DCLK1: variants seen among roughly 807,000 people sequenced by gnomAD.
The protein encoded by DCLK1 is doublecortin like kinase 1.
Under a neutral mutation model 86.2 loss-of-function variants are expected in DCLK1, and 16 were observed. The ratio of observed to expected loss-of-function variants is 0.19; its 90% CI spans 0.13 to 0.28. The LOEUF (loss-of-function observed/expected upper bound fraction) is 0.28, where lower values mean the gene tolerates loss of function less well. DCLK1 is among the 10% of genes least tolerant of loss of function. The pLI, the probability that DCLK1 is intolerant of heterozygous loss-of-function variation, is 1.00. For synonymous variants in DCLK1, 369 were observed against 370.5 expected (o/e 1.00, Z 0.05); for missense variants, 590 against 940.2 (o/e 0.63, Z 4.87).
chr13:35,843,621 G>T (rs1447423290), intron 6 of DCLK1, among the ~76,000 whole-genome samples: 1 of 152,140 alleles, frequency 6.6e-6, no homozygotes, highest in Admixed American at 6.5e-5. Context: ...GCTGCATAAA[G>T]GTTTTGAAAA....
chr13:35,806,299 T>C (rs1740673113), intron 14 of DCLK1, among the ~76,000 whole-genome samples: 1 of 152,204 alleles, frequency 6.6e-6, no homozygotes, highest in Non-Finnish European at 1.5e-5. Flanking sequence ...CAAGATAGAA[T>C]TGATCCTTTA....
intron 5 of DCLK1, among the ~76,000 whole-genome samples, chr13:35,867,909 A>AAGAAAGAAAG (rs1555345719): frequency 2.9e-5 from 3 of 102,374 alleles, no homozygotes; most frequent in Non-Finnish European, 5.6e-5. Flanking sequence ...GAAAGAAAGA[A>AAGAAAGAAAG]AAAGAAAGAA....
At chr13:35,977,568 G>A (rs1040989556) in intron 3 of DCLK1, among the ~76,000 whole-genome samples, 1 of 151,940 alleles carries the variant, frequency 6.6e-6, no homozygotes, top group Non-Finnish European at 1.5e-5. Flanking sequence ...GTCATCAGGT[G>A]TATTCTGATG....
intron 16 of DCLK1, among the ~76,000 whole-genome samples, chr13:35,787,098 TAC>T (rs915606407): frequency 2.7e-5 from 4 of 150,598 alleles, no homozygotes; most frequent in Admixed American, 1.3e-4. Context: ...TATATATATA[TAC>T]ACACACATAC....
intron 4 of DCLK1, among the ~76,000 whole-genome samples, chr13:35,936,962 C>CA (rs1876786023): frequency 1.5e-5 from 1 of 65,712 alleles, no homozygotes; most frequent in Admixed American, 2.0e-4. Flanking sequence ...GAAAAGTTAG[C>CA]TTTTTTTTTT....
rs1049679063 is a variant in DCLK1, at chr13:35,929,324, T to C, written c.823+18034A>G. Among the ~76,000 whole-genome samples the C allele has an allele frequency of 6.5e-4, 99 of 152,354 alleles. 1 individual carries two copies. Among genetic ancestry groups the C allele is most frequent in the Admixed American group, 5.2e-3 (80 of 15,306 alleles). On this transcript the variant is annotated intron_variant, in intron 4 of 16. Coordinates refer to ENST00000360631, the MANE Select transcript of DCLK1 (RefSeq NM_001330071.2). ...AGGTATGAAAACATAAATTTGGCTATGTTAACTTTAAAGTTGAGGGGCAAA... is the reference window on the plus strand; with the variant it reads ...AGGTATGAAAACATAAATTTGGCTACGTTAACTTTAAAGTTGAGGGGCAAA...
Position 35,793,354 on chromosome 13 carries a change from T to G in DCLK1, c.2058+12A>C. 1.9e-6 allele frequency: 3 copies of G among 1,598,126 alleles called. No individual in the cohort carries two copies. The South Asian group carries it at 3.4e-5, about 18-fold the overall frequency. On this transcript the variant is annotated intron_variant, in intron 16 of 16. Coordinates refer to ENST00000360631, the MANE Select transcript of DCLK1 (RefSeq NM_001330071.2). ...TTAAAAAAAGTTATAGGTGGATATT[T>G]CAGATGCTTACTGCTATGACAGAAA...
chr13:35,980,578 A>C (rs1036783558), intron 3 of DCLK1, among the ~76,000 whole-genome samples: 1 of 152,088 alleles, frequency 6.6e-6, no homozygotes, highest in Admixed American at 6.5e-5. Context: ...TTTAATTTTG[A>C]ATACTATAGA....
intron 3 of DCLK1, among the ~76,000 whole-genome samples, chr13:36,040,579 G>GT (rs1208016110): frequency 1.3e-5 from 2 of 151,576 alleles, no homozygotes; most frequent in African/African-American, 2.4e-5. Flanking sequence ...GTGTTGACAG[G>GT]TTTTTCAACT....
At chr13:35,881,356 C>T (rs117280550) in intron 4 of DCLK1, among the ~76,000 whole-genome samples, 1,637 of 152,288 alleles carry the variant, frequency 0.011, 8 homozygotes, top group Middle Eastern at 0.037. Flanking sequence ...CCGTAGAGTG[C>T]CCCACTTCTG....
intron 3 of DCLK1, among the ~76,000 whole-genome samples, chr13:36,054,487 T>C (rs1883230024): frequency 6.6e-6 from 1 of 152,172 alleles, no homozygotes; most frequent in African/African-American, 2.4e-5. Context: ...TGCTAATAAC[T>C]AAACACTGAG....
intron 3 of DCLK1, among the ~76,000 whole-genome samples, chr13:35,961,588 T>C (rs927585909): frequency 3.3e-5 from 5 of 152,194 alleles, no homozygotes; most frequent in African/African-American, 1.2e-4. Flanking sequence ...AGATGAACTT[T>C]CCCCTTGCAT....
chr13:35,887,446 C>G (rs1221042695), intron 4 of DCLK1, among the ~76,000 whole-genome samples: 2 of 152,146 alleles, frequency 1.3e-5, no homozygotes, highest in African/African-American at 2.4e-5. Flanking sequence ...CTCTGGATTT[C>G]TGGCTGCGTG....
At chr13:35,805,099 A>T (rs1360857660) in intron 15 of DCLK1, among the ~76,000 whole-genome samples, 1 of 152,200 alleles carries the variant, frequency 6.6e-6, no homozygotes, top group African/African-American at 2.4e-5. Context: ...TGCCTTCTTG[A>T]TGATTATTCA....
intron 5 of DCLK1, among the ~76,000 whole-genome samples, chr13:35,869,408 C>T (rs923967378): frequency 6.6e-6 from 1 of 152,222 alleles, no homozygotes; most frequent in African/African-American, 2.4e-5. Flanking sequence ...AGGAAGTTGG[C>T]ATCTGGTACT....
intron 8 of DCLK1, among the ~76,000 whole-genome samples, chr13:35,833,270 C>T (rs1303393922): frequency 6.6e-6 from 1 of 152,112 alleles, no homozygotes; most frequent in East Asian, 1.9e-4. Flanking sequence ...ACTATATCAC[C>T]CCAACCCTTG....
At chr13:35,978,550 T>C (rs1225059612) in intron 3 of DCLK1, among the ~76,000 whole-genome samples, 1 of 152,118 alleles carries the variant, frequency 6.6e-6, no homozygotes, top group Non-Finnish European at 1.5e-5. Flanking sequence ...TGTAGTACTC[T>C]TATAATATTC....
intron 4 of DCLK1, among the ~76,000 whole-genome samples, chr13:35,941,952 A>G (rs1200094174): frequency 3.3e-5 from 5 of 152,048 alleles, no homozygotes; most frequent in Non-Finnish European, 2.9e-5. Context: ...TGAAAACGAC[A>G]TTGCTCCTAA....
chr13:35,984,784 C>G (rs1424348081), intron 3 of DCLK1, among the ~76,000 whole-genome samples: 1 of 152,268 alleles, frequency 6.6e-6, no homozygotes, highest in Non-Finnish European at 1.5e-5. Context: ...TTCACTACCC[C>G]CCAGGCTTCT....
Sources: allele counts gnomAD v4.1 joint callset (sites outside exome capture counted in the v4.1 genomes callset), GRCh38; gene constraint gnomAD v4.1.1; transcripts MANE v1.5; gene names NCBI Gene and HGNC (gene_info 2026-07-23, HGNC 2026-07-21).